Variants in MINDY4B observed in about 807,000 individuals in gnomAD.
MINDY4B encodes the protein MINDY family member 4B.
Under a neutral mutation model 16.7 loss-of-function variants are expected in MINDY4B, and 25 were observed. The observed-to-expected ratio is 1.49, with a 90% CI of 1.09 to 2.09. The LOEUF (loss-of-function observed/expected upper bound fraction) is 2.09, where lower values mean the gene tolerates loss of function less well. MINDY4B is among the 30% of genes most tolerant of loss of function. The probability of loss-of-function intolerance (pLI) is 0.00; values close to 1 mark genes in which losing one functional copy is unlikely to be tolerated. For missense variants in MINDY4B, 327 were observed against 168.4 expected, an observed-to-expected ratio of 1.94 and a Z score of -5.21; for synonymous variants, 132 against 61.9, an observed-to-expected ratio of 2.13 and a Z score of -5.32.
rs143600375 is a variant in MINDY4B, at chr3:150,904,905, A to G, written c.141+157T>C. On this transcript the variant is annotated intron_variant, in intron 2 of 11. Coordinates refer to ENST00000465419, the MANE Select transcript of MINDY4B (RefSeq NM_001351281.2). Reference sequence around the variant, plus strand: ...AATCCATAAAAAAGCACAAGAAAAAAATCTTCGACAGGCTTTCTAGTTTTA... The same window carrying G: ...AATCCATAAAAAAGCACAAGAAAAAGATCTTCGACAGGCTTTCTAGTTTTA... 9.9e-3 allele frequency among the ~76,000 whole-genome samples: 1,514 copies of G among 152,350 alleles called. 28 individuals carry two copies. The highest frequency in any genetic ancestry group is 0.035 in the African/African-American group (1,470 of 41,572).
intron 10 of MINDY4B, among the ~76,000 whole-genome samples, chr3:150,879,756 T>G (rs1002380811): frequency 1.3e-5 from 2 of 152,198 alleles, no homozygotes; most frequent in Non-Finnish European, 2.9e-5. Context: ...AACTCTGTTC[T>G]GGGGGATGAC....
chr3:150,896,585 A>G (rs564461641), intron 3 of MINDY4B, among the ~76,000 whole-genome samples: 187 of 152,280 alleles, frequency 1.2e-3, no homozygotes, highest in African/African-American at 4.4e-3. Flanking sequence ...TTCCCTTGAT[A>G]TAGTACTCTC....
At chr3:150,899,808 A>G (rs1428902141) in intron 3 of MINDY4B, among the ~76,000 whole-genome samples, 1 of 152,086 alleles carries the variant, frequency 6.6e-6, no homozygotes, top group East Asian at 1.9e-4. Flanking sequence ...TCATTAACTC[A>G]CACCTGTCGA....
rs1429939958 is a variant in MINDY4B at position 150,879,945 on chromosome 3, A to G, written c.1059+2952T>C. On this transcript the variant is annotated intron_variant, in intron 10 of 11. Transcript: ENST00000465419. ...GCCTCCCAATTAGTATTCAGTTAGCATTTAGCTGTGCTGAATGAACATAGC... is the reference window on the plus strand; with the variant it reads ...GCCTCCCAATTAGTATTCAGTTAGCGTTTAGCTGTGCTGAATGAACATAGC... Among the ~76,000 whole-genome samples the G allele has an allele frequency of 1.3e-5, 2 of 152,234 alleles. 1 individual carries two copies. The highest frequency in any genetic ancestry group is 4.1e-4 in the South Asian group (2 of 4,836).
At chr3:150,878,347 G>T (rs753020956) in intron 10 of MINDY4B, among the ~76,000 whole-genome samples, 3 of 152,090 alleles carry the variant, frequency 2.0e-5, no homozygotes, top group Non-Finnish European at 2.9e-5. Flanking sequence ...ACCTTGATAC[G>T]TATGTTTCTA....
At chr3:150,887,987 A>C (rs1038661602) in intron 7 of MINDY4B, among the ~76,000 whole-genome samples, 1 of 151,488 alleles carries the variant, frequency 6.6e-6, no homozygotes, top group East Asian at 1.9e-4. Context: ...GGGCGCCTGT[A>C]GTCCCAGCTA....
Position 150,870,982 on chromosome 3 carries a change from A to G in MINDY4B, c.*63T>C. 8 of 666,326 alleles carry G rather than the reference A, an allele frequency of 1.2e-5. No homozygotes were observed. The highest frequency in any genetic ancestry group is 4.9e-5 in the South Asian group (3 of 61,356). The allele number at this position is 666,326 out of a possible 1,614,324, so 41.3% of individuals were successfully genotyped here. On this transcript the variant is annotated 3_prime_UTR_variant, in exon 12 of 12. Coordinates refer to ENST00000465419, the MANE Select transcript of MINDY4B (RefSeq NM_001351281.2). ...TATGGAAACGATTGGTCTCCCCCACATTAGGCTTTTGCATCCCAGCAGTTC... is the reference window on the plus strand; with the variant it reads ...TATGGAAACGATTGGTCTCCCCCACGTTAGGCTTTTGCATCCCAGCAGTTC...
chr3:150,890,652 G>GTAGATCTCGGTGGTCGCCGTATCATTAAA, intron 6 of MINDY4B: 1 of 490,716 alleles, frequency 2.0e-6, no homozygotes, highest in South Asian at 3.9e-5. Flanking sequence ...CCTAATAGGT[G>GTAGATCTCGGTGGTCGCCGTATCATTAAA]AAATTTAGCT....
At chr3:150,896,677 C>A (rs1482495088) in intron 3 of MINDY4B, among the ~76,000 whole-genome samples, 1 of 152,148 alleles carries the variant, frequency 6.6e-6, no homozygotes, top group African/African-American at 2.4e-5. Context: ...GCAAGCCTAC[C>A]AGGCTCCTGG....
At chr3:150,883,611 T>C (rs1288066654) in intron 9 of MINDY4B, 89 bp downstream of exon 9, 2 of 661,220 alleles carry the variant, frequency 3.0e-6, no homozygotes, top group Non-Finnish European at 5.4e-6. Context: ...AAAATTCAGA[T>C]TGCTTTTCTT....
chr3:150,887,240 C>A (rs1711649228), intron 7 of MINDY4B, among the ~76,000 whole-genome samples: 1 of 152,112 alleles, frequency 6.6e-6, no homozygotes, highest in African/African-American at 2.4e-5. Context: ...CAGTGTGGAT[C>A]CACTGGACAA....
At chr3:150,898,914 C>A (rs548107995) in intron 3 of MINDY4B, among the ~76,000 whole-genome samples, 2 of 152,276 alleles carry the variant, frequency 1.3e-5, no homozygotes, top group South Asian at 4.2e-4. Context: ...GACCACCTGC[C>A]CACCCCTAAC....
intron 7 of MINDY4B, among the ~76,000 whole-genome samples, chr3:150,886,941 T>C (rs1402070252): frequency 2.0e-5 from 3 of 152,216 alleles, no homozygotes; most frequent in African/African-American, 7.2e-5. Context: ...ATAAGTTCCA[T>C]TATCCAGTGG....
intron 10 of MINDY4B, among the ~76,000 whole-genome samples, chr3:150,877,785 G>A (rs1021640856): frequency 6.6e-6 from 1 of 152,014 alleles, no homozygotes; most frequent in Non-Finnish European, 1.5e-5. Flanking sequence ...ACCAACACGA[G>A]TATACCTATA....
intron 8 of MINDY4B, among the ~76,000 whole-genome samples, chr3:150,884,683 T>A (rs1711579316): frequency 6.6e-6 from 1 of 152,212 alleles, no homozygotes; most frequent in Non-Finnish European, 1.5e-5. Context: ...TCAGGACCAC[T>A]GCCGCAGGGT....
At chr3:150,889,550 G>A (rs550199462) in intron 7 of MINDY4B, among the ~76,000 whole-genome samples, 1 of 152,162 alleles carries the variant, frequency 6.6e-6, no homozygotes, top group South Asian at 2.1e-4. Flanking sequence ...ACAAGTTCCG[G>A]GTATAGAGTT....
At position 150,894,249 on chromosome 3, in the gene MINDY4B, T is replaced by C. The variant is rs1711900678; in HGVS notation, c.366A>G (p.Lys122=). Reference sequence around the variant, plus strand: ...GATCATGGAACCTGAAATAGGCCTTTTTCCAGTTATAGCTAAAGACATGGA... The same window carrying C: ...GATCATGGAACCTGAAATAGGCCTTCTTCCAGTTATAGCTAAAGACATGGA... ...NTVHVFSYNW[K]KAYFRFHDPS... Residue 122 remains lysine (K), a synonymous_variant, in exon 4 of 12, where the codon AAA becomes AAG. Coordinates refer to ENST00000465419, the MANE Select transcript of MINDY4B (RefSeq NM_001351281.2). 2 of 702,158 alleles carry C rather than the reference T, an allele frequency of 2.8e-6. No individual in the cohort carries two copies. Among genetic ancestry groups the C allele is most frequent in the Admixed American group, 4.0e-5 (2 of 49,862 alleles). 43.5% of individuals were successfully genotyped at this position (702,158 alleles called of 1,614,324 possible).
chr3:150,885,305 G>A, intron 8 of MINDY4B, 63 bp downstream of exon 8: 1 of 689,452 alleles, frequency 1.5e-6, no homozygotes, highest in South Asian at 1.5e-5. Context: ...CAATACAAGA[G>A]TACATTGTTT....
chr3:150,882,839 T>C (rs1711543748), intron 10 of MINDY4B, 58 bp downstream of exon 10: 4 of 642,682 alleles, frequency 6.2e-6, no homozygotes, highest in Non-Finnish European at 2.8e-6. Flanking sequence ...AGACAGACTT[T>C]TAAACTGTTA....
Sources: gnomAD v4.1 joint callset for allele counts (sites outside exome capture counted in the v4.1 genomes callset) on GRCh38, gnomAD v4.1.1 for gene constraint, MANE v1.5 for transcripts, NCBI Gene and HGNC (gene_info 2026-07-23, HGNC 2026-07-21) for gene names.